The following CREBZF variants were observed in gnomAD, a reference collection of about 807,000 sequenced individuals.
The protein encoded by CREBZF is HCF-binding transcription factor Zhangfei.
CREBZF carries 8 observed loss-of-function variants against 21.1 expected under a neutral mutation model. That is an observed-to-expected ratio of 0.38 (90% confidence interval 0.22 to 0.68). The LOEUF (loss-of-function observed/expected upper bound fraction) is 0.68. Among genes scored for constraint, CREBZF ranks in the 30% least tolerant of loss-of-function variants. The pLI, the probability that CREBZF is intolerant of heterozygous loss-of-function variation, is 0.51. For synonymous variants in CREBZF, 270 were observed against 223.3 expected (o/e 1.21, Z -1.86); for missense variants, 518 against 484.3 (o/e 1.07, Z -0.65).
intron 1 of CREBZF, among the ~76,000 whole-genome samples, chr11:85,681,152 A>C (rs1343416197): frequency 1.3e-5 from 2 of 152,194 alleles, no homozygotes; most frequent in Non-Finnish European, 2.9e-5. Context: ...AAGAGTCATC[A>C]TCCTCTTTTC....
chr11:85,664,767 G>A lies in CREBZF; in HGVS notation c.109C>T (p.Arg37Trp), dbSNP rs1188515182. 3.1e-6 allele frequency: 5 copies of A among 1,606,606 alleles called. No individual in the cohort carries two copies. The highest frequency in any genetic ancestry group is 4.2e-6 in the Non-Finnish European group (5 of 1,177,934). The change falls in exon 1 of 1, where the codon CGG becomes TGG. Residue 37 changes from arginine to tryptophan, a missense_variant. By Grantham distance (101) the Arg-to-Trp change is moderately radical. Transcript: ENST00000527447. This position sits in a 1 kb window ranked among gnomAD's most constrained non-coding sequence, Gnocchi z 5.5. The part of the protein sequence containing the change: ...ATCSLPSDLT[R>W]AAAGEEETAA... Reference sequence around the variant, plus strand: ...GTCTCCTCCTCCCCCGCTGCAGCCCGGGTCAGGTCAGAGGGCAGCGAACAA... The same window carrying A: ...GTCTCCTCCTCCCCCGCTGCAGCCCAGGTCAGGTCAGAGGGCAGCGAACAA...
chr11:85,678,639 G>A (rs541997294), intron 1 of CREBZF, among the ~76,000 whole-genome samples: 1 of 152,208 alleles, frequency 6.6e-6, no homozygotes, highest in Non-Finnish European at 1.5e-5. Context: ...ACTCCATTAA[G>A]GATATTCATT....
In CREBZF at chr11:85,664,837, G is replaced by A. The variant is rs2082820063; in HGVS notation, c.39C>T (p.Gly13=). The change falls in exon 1 of 1, where the codon GGC becomes GGT. Residue 13 remains glycine, a synonymous_variant. Transcript: ENST00000527447. This position sits in a 1 kb window ranked among gnomAD's most constrained non-coding sequence, Gnocchi z 5.5. ...HSLTKLLAAS[G]SNSPTRSESP... ...TCTCACTGCGGGTTGGGGAGTTGCT[G>A]CCCGAGGCTGCCAGCAGCTTGGTCA... 1 of 1,530,474 alleles carries A rather than the reference G, an allele frequency of 6.5e-7. No individual in the cohort carries two copies. Among genetic ancestry groups the A allele is most frequent in the Non-Finnish European group, 8.7e-7 (1 of 1,144,368 alleles). The allele number at this position is 1,530,474 out of a possible 1,614,324, so 94.8% of individuals were successfully genotyped here. A position where few individuals can be genotyped will look rare whatever the true frequency, so the allele number is the denominator to read the frequency against.
intron 1 of CREBZF, among the ~76,000 whole-genome samples, chr11:85,679,351 G>A (rs1420541429): frequency 6.6e-6 from 1 of 152,126 alleles, no homozygotes; most frequent in Non-Finnish European, 1.5e-5. Context: ...GTGAAGATAA[G>A]GTCTCTATCT....
intron 1 of CREBZF, among the ~76,000 whole-genome samples, chr11:85,673,504 T>C (rs1277321700): frequency 1.3e-5 from 2 of 152,254 alleles, no homozygotes; most frequent in Admixed American, 1.3e-4. Context: ...ATTTTATTGC[T>C]AAAAATGCTA....
Position 85,660,808 on chromosome 11 carries a change from A to G in CREBZF, c.*3003T>C, listed in dbSNP as rs2082651857. 3.8e-6 allele frequency: 1 copy of G among 261,344 alleles called. No individual in the cohort carries two copies. The highest frequency in any genetic ancestry group is 5.4e-5 in the Admixed American group (1 of 18,534). 16.2% of individuals were successfully genotyped at this position (261,344 alleles called of 1,614,324 possible). A position where few individuals can be genotyped will look rare whatever the true frequency, so the allele number is the denominator to read the frequency against. On this transcript the variant is annotated 3_prime_UTR_variant, in exon 1 of 1. Transcript: ENST00000527447. ...GGTCAAAATATGATGTGTTAGTTCA[A>G]TTAATGTATGAACTCCTGCCACCAT...
chr11:85,663,506 GAA>G lies in CREBZF; in HGVS notation c.*303_*304del. On this transcript the variant is annotated 3_prime_UTR_variant, in exon 1 of 1. Coordinates refer to ENST00000527447, the MANE Select transcript of CREBZF (RefSeq NM_001039618.4). The stretch of plus-strand genomic sequence containing the variant: ...AAGCAGCAGAGCATGAGCGTTACGG[GAA>G]GAGATGGATCCTTACCAGGTTGTGA... The G allele has an allele frequency of 1.1e-6, 1 of 904,184 alleles. No individual in the cohort carries two copies. The highest frequency in any genetic ancestry group is 1.8e-6 in the Non-Finnish European group (1 of 556,372). 56.0% of individuals were successfully genotyped at this position (904,184 alleles called of 1,614,324 possible).
In CREBZF at chr11:85,663,915, C is replaced by A; in HGVS notation, c.961G>T (p.Asp321Tyr). ...AGACAGACTCCTCCCGCCGAGTCGT[C>A]CTCTTCCAGCAGGTCCTGCTTCTGC... ...GKQKQDLLEE[D>Y]DSAGGVCLHV... Residue 321 changes from aspartate to tyrosine, a missense_variant, in exon 1 of 1, where the codon GAC becomes TAC. This residue lies in a region of CREBZF where 114 missense variants were observed against 134.1 expected (regional missense o/e 0.85). Transcript: ENST00000527447. The A allele has an allele frequency of 6.2e-7, 1 of 1,613,708 alleles. No homozygotes were observed. Among genetic ancestry groups the A allele is most frequent in the East Asian group, 2.2e-5 (1 of 44,854 alleles).
chr11:85,676,678 C>A (rs1037596237), intron 1 of CREBZF, among the ~76,000 whole-genome samples: 1 of 151,772 alleles, frequency 6.6e-6, no homozygotes, highest in African/African-American at 2.4e-5. Flanking sequence ...ACTTTGTCAC[C>A]CAGGCTGGAC....
intron 1 of CREBZF, among the ~76,000 whole-genome samples, chr11:85,674,708 C>G (rs2082931744): frequency 6.6e-6 from 1 of 152,244 alleles, no homozygotes; most frequent in South Asian, 2.1e-4. Flanking sequence ...CAGTGAAAAT[C>G]TGTTGTTTAG....
upstream of CREBZF, among the ~76,000 whole-genome samples, chr11:85,669,068 A>G (rs1481100719): frequency 2.8e-5 from 4 of 145,240 alleles, no homozygotes; most frequent in Admixed American, 7.0e-5. Flanking sequence ...TGTATTTTAC[A>G]TGGAGATTTT....
chr11:85,664,989 A>G lies in CREBZF; in HGVS notation c.-114T>C, dbSNP rs1463579240. On this transcript the variant is annotated 5_prime_UTR_variant, in exon 1 of 1. Coordinates refer to ENST00000527447, the MANE Select transcript of CREBZF (RefSeq NM_001039618.4). The surrounding 1 kb of genome is among the most constrained non-coding windows in gnomAD (Gnocchi z 5.5). ...CCCGGCACTGGCCGAAACGAAATGCAGGGAAAGGTCCGAGTCGCCTCCCGC... is the reference window on the plus strand; with the variant it reads ...CCCGGCACTGGCCGAAACGAAATGCGGGGAAAGGTCCGAGTCGCCTCCCGC... The G allele has an allele frequency of 2.9e-6, 2 of 697,880 alleles. No individual in the cohort carries two copies. Among genetic ancestry groups the G allele is most frequent in the Admixed American group, 3.9e-5 (1 of 25,852 alleles). 43.2% of individuals were successfully genotyped at this position (697,880 alleles called of 1,614,324 possible). A position where few individuals can be genotyped will look rare whatever the true frequency, so the allele number is the denominator to read the frequency against.
Position 85,659,967 on chromosome 11 carries a change from A to C in CREBZF, c.*3844T>G, listed in dbSNP as rs944134016. On this transcript the variant is annotated 3_prime_UTR_variant, in exon 1 of 1. Transcript: ENST00000527447. ...CCATACATCCTGGTTGTTACCCTAAATTGTAATTAACTACCCACACATTTA... is the reference window on the plus strand; with the variant it reads ...CCATACATCCTGGTTGTTACCCTAACTTGTAATTAACTACCCACACATTTA... 1 of 152,106 alleles carries C rather than the reference A, an allele frequency of 6.6e-6. No individual in the cohort carries two copies. Among genetic ancestry groups the C allele is most frequent in the Non-Finnish European group, 1.5e-5 (1 of 67,944 alleles). 9.4% of individuals were successfully genotyped at this position (152,106 alleles called of 1,614,324 possible). A position where few individuals can be genotyped will look rare whatever the true frequency, so the allele number is the denominator to read the frequency against.
At chr11:85,669,995 G>T (rs1445687922), upstream of CREBZF, among the ~76,000 whole-genome samples, 1 of 152,044 alleles carries the variant, frequency 6.6e-6, no homozygotes, top group Non-Finnish European at 1.5e-5. Flanking sequence ...TTTTAGTAGA[G>T]ACGGGGTTTC....
At chr11:85,680,242 T>C (rs910243016) in intron 1 of CREBZF, among the ~76,000 whole-genome samples, 7 of 152,260 alleles carry the variant, frequency 4.6e-5, no homozygotes, top group Non-Finnish European at 7.3e-5. Context: ...TATCAATACA[T>C]TAACAGCTTC....
At chr11:85,671,639 T>C (rs548624888) in intron 1 of CREBZF, among the ~76,000 whole-genome samples, 3 of 152,228 alleles carry the variant, frequency 2.0e-5, no homozygotes, top group Non-Finnish European at 2.9e-5. Context: ...ACAGGCCCCA[T>C]GCAAGTCCAT....
chr11:85,663,494 T>C lies in CREBZF; in HGVS notation c.*317A>G. On this transcript the variant is annotated 3_prime_UTR_variant, in exon 1 of 1. Transcript: ENST00000527447. ...TTAAAGTAGACAAAGCAGCAGAGCA[T>C]GAGCGTTACGGGAAGAGATGGATCC... 1.2e-6 allele frequency: 1 copy of C among 837,158 alleles called. No individual in the cohort carries two copies. Among genetic ancestry groups the C allele is most frequent in the Non-Finnish European group, 2.0e-6 (1 of 495,806 alleles). The allele number at this position is 837,158 out of a possible 1,614,324, so 51.9% of individuals were successfully genotyped here.
chr11:85,675,617 G>T (rs2082937299), intron 1 of CREBZF, among the ~76,000 whole-genome samples: 1 of 152,122 alleles, frequency 6.6e-6, no homozygotes, highest in South Asian at 2.1e-4. Context: ...AAACCACAGA[G>T]ACACAAAGTG....
In CREBZF at chr11:85,664,538, G is replaced by C; in HGVS notation, c.338C>G (p.Pro113Arg). The C allele has an allele frequency of 6.2e-7, 1 of 1,613,820 alleles. No homozygotes were observed. The highest frequency in any genetic ancestry group is 8.5e-7 in the Non-Finnish European group (1 of 1,179,966). Residue 113 changes from proline (P) to arginine (R), a missense_variant, in exon 1 of 1, where the codon CCC becomes CGC. By Grantham distance (103) the Pro-to-Arg change is moderately radical (BLOSUM62 -2). Coordinates refer to ENST00000527447, the MANE Select transcript of CREBZF (RefSeq NM_001039618.4). The surrounding 1 kb of genome is among the most constrained non-coding windows in gnomAD (Gnocchi z 5.5). ...SGLELADLLD[P>R]RQPDWHLDPG... ...GTCCAGGTGCCAGTCCGGTTGCCTG[G>C]GGTCCAGGAGATCCGCCAGTTCCAG...
Sources: gnomAD v4.1 joint callset for allele counts (sites outside exome capture counted in the v4.1 genomes callset) on GRCh38, gnomAD v4.1.1 for gene constraint, gnomAD v4.1.1 regional missense constraint, Gnocchi (gnomAD v3.1) non-coding constraint, MANE v1.5 for transcripts, NCBI Gene and HGNC (gene_info 2026-07-23, HGNC 2026-07-21) for gene names.